The following SV2C variants were observed in gnomAD, a reference collection of about 807,000 sequenced individuals.
SV2C encodes synaptic vesicle glycoprotein 2C, also known as solute carrier family 22 member B3.
SV2C carries 49 observed loss-of-function variants against 79.7 expected under a neutral mutation model. That is an observed-to-expected ratio of 0.61 (90% CI 0.49 to 0.78). The LOEUF (loss-of-function observed/expected upper bound fraction) is 0.78. Ranked by LOEUF, SV2C falls within the 30% of genes least tolerant of loss-of-function variation. The pLI, the probability that SV2C is intolerant of heterozygous loss-of-function variation, is 0.00. For synonymous variants in SV2C, 334 were observed against 333.2 expected, an observed-to-expected ratio of 1.00 and a Z score of -0.03; for missense variants, 833 against 912.9, an observed-to-expected ratio of 0.91 and a Z score of 1.13.
chr5:75,921,262 G>GACTTTGATGAGGA, the SV2C span: 1 of 1,466,804 alleles, frequency 6.8e-7, no homozygotes, highest in Non-Finnish European at 9.4e-7. Flanking sequence ...GGATCTGCAG[G>GACTTTGATGAGGA]TCCTCCAGGT....
intron 4 of SV2C, among the ~76,000 whole-genome samples, chr5:76,251,957 A>G (rs1189316623): frequency 6.6e-6 from 1 of 152,202 alleles, no homozygotes; most frequent in Non-Finnish European, 1.5e-5. Flanking sequence ...TACCTCATTC[A>G]AGCCTGCAGA....
the SV2C span, among the ~76,000 whole-genome samples, chr5:76,035,045 T>C: frequency 6.6e-6 from 1 of 152,202 alleles, no homozygotes; most frequent in Non-Finnish European, 1.5e-5. Flanking sequence ...TAGAGGTGTT[T>C]GTAGTATTCT....
the SV2C span, among the ~76,000 whole-genome samples, chr5:75,930,559 T>C: frequency 6.6e-6 from 1 of 152,214 alleles, no homozygotes; most frequent in Non-Finnish European, 1.5e-5. Context: ...GCAGATTCTC[T>C]AGAAGGTCTA....
intron 1 of SV2C, among the ~76,000 whole-genome samples, chr5:76,093,798 C>T (rs143147981): frequency 2.8e-5 from 3 of 106,910 alleles, no homozygotes; most frequent in East Asian, 3.4e-4. Flanking sequence ...ACACTGGGCT[C>T]TTATCAAATT....
chr5:76,085,017 C>G (rs1427715170), intron 1 of SV2C, among the ~76,000 whole-genome samples: 1 of 152,228 alleles, frequency 6.6e-6, no homozygotes. Flanking sequence ...ACCGGGATGC[C>G]GTGATGGTCT....
At chr5:76,184,014 CA>C (rs1189995280) in intron 2 of SV2C, among the ~76,000 whole-genome samples, 1 of 152,170 alleles carries the variant, frequency 6.6e-6, no homozygotes, top group Non-Finnish European at 1.5e-5. Context: ...CCCAGGAAAC[CA>C]AAGGTTCAAA....
At chr5:76,133,983 A>G (rs545875537) in intron 2 of SV2C, among the ~76,000 whole-genome samples, 30 of 152,204 alleles carry the variant, frequency 2.0e-4, no homozygotes, top group Non-Finnish European at 4.3e-4. Context: ...TGGTCCCACC[A>G]TTTATACTGG....
the SV2C span, among the ~76,000 whole-genome samples, chr5:76,009,815 TTGA>T: frequency 1.3e-5 from 2 of 152,070 alleles, no homozygotes; most frequent in Non-Finnish European, 2.9e-5. Context: ...GCTCAGCACC[TTGA>T]TGATGGGATC....
Position 76,333,085 on chromosome 5 carries a change from GT to G in SV2C, c.*7540del, listed in dbSNP as rs905637005. ...GCAAACAAAATGAAACTAGTTTGAA[GT>G]TGCAAAGTGTCTCCCCTCTTGCGCC... On this transcript the variant is annotated 3_prime_UTR_variant, in exon 13 of 13. Coordinates refer to ENST00000502798, the MANE Select transcript of SV2C (RefSeq NM_014979.4). The G allele has an allele frequency of 6.6e-6, 1 of 152,176 alleles. No individual in the cohort carries two copies. The highest frequency in any genetic ancestry group is 2.4e-5 in the African/African-American group (1 of 41,438). 9.4% of individuals were successfully genotyped at this position (152,176 alleles called of 1,614,324 possible). A position where few individuals can be genotyped will look rare whatever the true frequency, so the allele number is the denominator to read the frequency against.
At chr5:75,865,609 C>A in the SV2C span, among the ~76,000 whole-genome samples, 3 of 152,200 alleles carry the variant, frequency 2.0e-5, no homozygotes, top group Non-Finnish European at 4.4e-5. Context: ...TGTGAGAATA[C>A]ATTCAGATTT....
At chr5:75,911,264 G>A in the SV2C span, 6 of 1,467,426 alleles carry the variant, frequency 4.1e-6, no homozygotes, top group East Asian at 1.1e-4. Context: ...GTTCTCCCTA[G>A]CTCCCCAGCT....
rs1453377380 is a variant in SV2C at position 76,172,807 on chromosome 5, G to T, written c.581-22112G>T. Among the ~76,000 whole-genome samples, 5 of 82,652 alleles carry T rather than the reference G, an allele frequency of 6.0e-5. 1 individual carries two copies. The highest frequency in any genetic ancestry group is 2.9e-4 in the African/African-American group (5 of 17,278). The allele number at this position is 82,652 out of a possible 152,430, so 54.2% of individuals were successfully genotyped here. A position where few individuals can be genotyped will look rare whatever the true frequency, so the allele number is the denominator to read the frequency against. On this transcript the variant is annotated intron_variant, in intron 2 of 12. Coordinates refer to ENST00000502798, the MANE Select transcript of SV2C (RefSeq NM_014979.4). ...CCACTCAGGGTTAAATGGATTAAGG[G>T]CGGTGCAAGATGTGCTTTGTTAAAC...
chr5:76,313,364 T>A (rs1316665204), intron 12 of SV2C, among the ~76,000 whole-genome samples: 1 of 152,136 alleles, frequency 6.6e-6, no homozygotes, highest in Non-Finnish European at 1.5e-5. Context: ...ATATTATATA[T>A]GTTTATGCTT....
the SV2C span, among the ~76,000 whole-genome samples, chr5:75,887,189 CAG>C: frequency 2.0e-5 from 3 of 152,076 alleles, no homozygotes; most frequent in Non-Finnish European, 2.9e-5. Flanking sequence ...TGCATTACCT[CAG>C]AGATTTATCA....
At chr5:75,854,412 A>G in the SV2C span, among the ~76,000 whole-genome samples, 1 of 152,144 alleles carries the variant, frequency 6.6e-6, no homozygotes, top group Non-Finnish European at 1.5e-5. Flanking sequence ...TGTATGGTAA[A>G]TGTATGTTTT....
chr5:75,996,059 C>T, the SV2C span, among the ~76,000 whole-genome samples: 1 of 152,152 alleles, frequency 6.6e-6, no homozygotes, highest in Admixed American at 6.5e-5. Flanking sequence ...AGAGTAAAAT[C>T]TCCCCCACAT....
the SV2C span, among the ~76,000 whole-genome samples, chr5:75,906,964 C>A: frequency 6.6e-6 from 1 of 152,306 alleles, no homozygotes; most frequent in South Asian, 2.1e-4. Flanking sequence ...TTATCCAGAA[C>A]AAAATGTCAA....
the SV2C span, among the ~76,000 whole-genome samples, chr5:75,991,058 T>C: frequency 6.6e-6 from 1 of 151,996 alleles, no homozygotes; most frequent in Non-Finnish European, 1.5e-5. Flanking sequence ...TTTAAGGATT[T>C]GTACATAACA....
At chr5:76,096,040 C>G (rs1747546136) in intron 1 of SV2C, among the ~76,000 whole-genome samples, 1 of 152,116 alleles carries the variant, frequency 6.6e-6, no homozygotes, top group Non-Finnish European at 1.5e-5. Context: ...TTACATGAAT[C>G]TGTCAGGATA....
Sources: allele counts gnomAD v4.1 joint callset (sites outside exome capture counted in the v4.1 genomes callset), GRCh38; gene constraint gnomAD v4.1.1; transcripts MANE v1.5; gene names NCBI Gene and HGNC (gene_info 2026-07-23, HGNC 2026-07-21).